The following LILRB1 variants were observed in gnomAD, a reference collection of about 807,000 sequenced individuals.
The protein encoded by LILRB1 is leukocyte immunoglobulin like receptor B1, also known as leukocyte immunoglobulin-like receptor subfamily B member 1.
Under a neutral mutation model 74.6 loss-of-function variants are expected in LILRB1, and 59 were observed. The observed-to-expected ratio is 0.79, with a 90% CI of 0.64 to 0.98. The LOEUF (loss-of-function observed/expected upper bound fraction) is 0.98. Ranked by LOEUF, LILRB1 falls within the 50% of genes least tolerant of loss-of-function variation. The probability of loss-of-function intolerance (pLI) is 0.00; values close to 1 mark genes in which losing one functional copy is unlikely to be tolerated. For synonymous variants in LILRB1, 328 were observed against 333.9 expected (o/e 0.98, Z 0.19); for missense variants, 804 against 822.6 (o/e 0.98, Z 0.28).
upstream of LILRB1, among the ~76,000 whole-genome samples, chr19:54,628,570 TAC>T (rs2146213885): frequency 6.6e-6 from 1 of 152,180 alleles, no homozygotes; most frequent in South Asian, 2.1e-4. Context: ...CCTGGTTGAA[TAC>T]AAAGCACACT....
At chr19:54,625,900 C>G (rs113796721), upstream of LILRB1, among the ~76,000 whole-genome samples, 13 of 151,804 alleles carry the variant, frequency 8.6e-5, no homozygotes, top group African/African-American at 3.1e-4. Context: ...CTCACTCACC[C>G]CTTCCCCGTG....
upstream of LILRB1, among the ~76,000 whole-genome samples, chr19:54,628,421 C>A (rs567553250): frequency 1.0e-3 from 154 of 152,350 alleles, no homozygotes; most frequent in Middle Eastern, 6.8e-3. Flanking sequence ...GTCCCCAACA[C>A]TGCCCCCACA....
intron 1 of LILRB1, among the ~76,000 whole-genome samples, chr19:54,617,751 A>ACTTTAGGAGATTTAGGGTTATTTAGC (rs2063347654): frequency 1.3e-5 from 2 of 152,102 alleles, no homozygotes; most frequent in Non-Finnish European, 2.9e-5. Flanking sequence ...TTCCTGTAAC[A>ACTTTAGGAGATTTAGGGTTATTTAGC]TGGAAATTTA....
intron 1 of LILRB1, among the ~76,000 whole-genome samples, chr19:54,622,895 C>T (rs549876612): frequency 6.6e-6 from 1 of 152,100 alleles, no homozygotes; most frequent in South Asian, 2.1e-4. Context: ...TGGACTTTCT[C>T]GAACGCTTTA....
At chr19:54,621,074 A>T (rs1217404316) in intron 1 of LILRB1, among the ~76,000 whole-genome samples, 1 of 151,398 alleles carries the variant, frequency 6.6e-6, no homozygotes, top group Non-Finnish European at 1.5e-5. Context: ...GGGTTTCACC[A>T]TGTTGCCCAG....
In LILRB1 at chr19:54,633,588, G is replaced by A. The variant is rs369527474; in HGVS notation, c.1262-50G>A. On this transcript the variant is annotated intron_variant, in intron 7 of 14. Transcript: ENST00000324602. Reference sequence around the variant, plus strand: ...GTAGAGAAATTTGGTTTGAGGTGGAGACTTCAGGAAAGCCCCAGCTCCTCA... The same window carrying A: ...GTAGAGAAATTTGGTTTGAGGTGGAAACTTCAGGAAAGCCCCAGCTCCTCA... 2,828 of 1,566,914 alleles carry A rather than the reference G, an allele frequency of 1.8e-3. 44 individuals carry two copies. In the South Asian group the frequency reaches 0.027, roughly 15 times the overall value.
At chr19:54,634,367 C>A (rs978421578) in intron 9 of LILRB1, 2 of 1,538,742 alleles carry the variant, frequency 1.3e-6, no homozygotes, top group Non-Finnish European at 1.8e-6. Flanking sequence ...CCTGCAGCTC[C>A]GGGGCTCGGC....
upstream of LILRB1, among the ~76,000 whole-genome samples, chr19:54,625,624 C>T (rs1047697214): frequency 2.6e-4 from 40 of 152,026 alleles, 1 homozygote; most frequent in Admixed American, 1.3e-4. Flanking sequence ...ACCCCTTCCC[C>T]GTGTTAGGGA....
In LILRB1 at chr19:54,631,124, G is replaced by C; in HGVS notation, c.34+17G>C. 6.2e-7 allele frequency: 1 copy of C among 1,614,024 alleles called. No homozygotes were observed. On this transcript the variant is annotated intron_variant, in intron 2 of 14. Transcript: ENST00000324602. ...TCTGTCTCGGTGAGATTTGAAGAAG[G>C]AGGGGAGCTTCTAACCTAAGAGGGA...
In LILRB1 at chr19:54,632,100, G is replaced by T. The variant is rs112916853; in HGVS notation, c.524G>T (p.Arg175Leu). The T allele has an allele frequency of 6.2e-7, 1 of 1,614,250 alleles. No homozygotes were observed. Among genetic ancestry groups the T allele is most frequent in the South Asian group, 1.1e-5 (1 of 91,090 alleles). ...TGCCTGAACTCCCAGCCCCATGCCC[G>T]TGGGTCGTCCCGCGCCATCTTCTCC... Reference protein sequence around the residue: ...PQCLNSQPHARGSSRAIFSVG... With the variant: ...PQCLNSQPHALGSSRAIFSVG... Residue 175 changes from arginine (R) to leucine (L), a missense_variant, in exon 5 of 15, where the codon CGT (arginine) becomes CTT (leucine). Physicochemically the swap from Arg to Leu is moderately radical, Grantham distance 102 (BLOSUM62 -2). Coordinates refer to ENST00000324602, the MANE Select transcript of LILRB1 (RefSeq NM_001081637.3).
intron 1 of LILRB1, among the ~76,000 whole-genome samples, chr19:54,619,966 T>TTC: frequency 6.6e-6 from 1 of 151,462 alleles, no homozygotes; most frequent in East Asian, 1.9e-4. Flanking sequence ...TTTTTTTTTT[T>TTC]CACTTGAAAT....
chr19:54,625,186 G>T (rs2781759), intron 1 of LILRB1, among the ~76,000 whole-genome samples: 21 of 136,836 alleles, frequency 1.5e-4, no homozygotes, highest in African/African-American at 5.5e-4. Context: ...CCAGGGCCAC[G>T]GTGTTCGGGT....
intron 1 of LILRB1, among the ~76,000 whole-genome samples, chr19:54,619,544 CA>C (rs1232641361): frequency 6.6e-6 from 1 of 151,972 alleles, no homozygotes; most frequent in Non-Finnish European, 1.5e-5. Flanking sequence ...GAAATTCTTC[CA>C]ATGAATATAT....
At chr19:54,634,446 T>G (rs1294581247) in intron 9 of LILRB1, 195 bp from the exon 10 acceptor site, 1 of 1,521,778 alleles carries the variant, frequency 6.6e-7, no homozygotes, top group Admixed American at 2.0e-5. Flanking sequence ...GCTTCCTGGC[T>G]GGGGGCCCCG....
rs1186782051 is a variant in LILRB1 at position 54,631,505 on chromosome 19, C to CA, written c.76_77insA (p.Leu26HisfsTer9). 1 of 1,607,158 alleles carries CA rather than the reference C, an allele frequency of 6.2e-7. No homozygotes were observed. Among genetic ancestry groups the CA allele is most frequent in the South Asian group, 1.1e-5 (1 of 90,730 alleles). ...GACTCCTGATTTCCTTCCAGGGCAC[C>CA]TCCCCAAGCCCACCCTCTGGGCTGA... On this transcript the variant is annotated frameshift_variant, in exon 4 of 15. Coordinates refer to ENST00000324602, the MANE Select transcript of LILRB1 (RefSeq NM_001081637.3). LOFTEE classifies it high-confidence loss of function.
intron 1 of LILRB1, among the ~76,000 whole-genome samples, chr19:54,619,920 C>G (rs1390659742): frequency 6.7e-6 from 1 of 148,746 alleles, no homozygotes; most frequent in Non-Finnish European, 1.5e-5. Flanking sequence ...TTAAAACTCT[C>G]TCCAGTAATT....
chr19:54,634,643 C>G lies in LILRB1; in HGVS notation c.1366C>G (p.Leu456Val). 1 of 1,612,814 alleles carries G rather than the reference C, an allele frequency of 6.2e-7. No individual in the cohort carries two copies. Among genetic ancestry groups the G allele is most frequent in the Non-Finnish European group, 8.5e-7 (1 of 1,179,334 alleles). Residue 456 changes from leucine to valine, a missense_variant and splice_region_variant, in exon 10 of 15, where the codon CTG becomes GTG. Coordinates refer to ENST00000324602, the MANE Select transcript of LILRB1 (RefSeq NM_001081637.3). Reference sequence around the variant, plus strand: ...TCCCTGACATCATCGTGCTCAAGGTCTGGGAAGGCACCTGGGGGTTGTGAT... The same window carrying G: ...TCCCTGACATCATCGTGCTCAAGGTGTGGGAAGGCACCTGGGGGTTGTGAT... The part of the protein sequence containing the change: ...TPTGSDPQSG[L>V]GRHLGVVIGI...
Position 54,634,631 on chromosome 19 carries a change from C to T in LILRB1, c.1364-10C>T, listed in dbSNP as rs557839288. 1.3e-5 allele frequency: 21 copies of T among 1,610,036 alleles called. No homozygotes were observed. The highest frequency in any genetic ancestry group is 1.7e-4 in the Middle Eastern group (1 of 6,042). Reference sequence around the variant, plus strand: ...ACATCACCCCCATCCCTGACATCATCGTGCTCAAGGTCTGGGAAGGCACCT... The same window carrying T: ...ACATCACCCCCATCCCTGACATCATTGTGCTCAAGGTCTGGGAAGGCACCT... On this transcript the variant is annotated splice_polypyrimidine_tract_variant and intron_variant, in intron 9 of 14. Coordinates refer to ENST00000324602, the MANE Select transcript of LILRB1 (RefSeq NM_001081637.3).
chr19:54,631,562 G>C lies in LILRB1; in HGVS notation c.133G>C (p.Val45Leu), dbSNP rs763587287. ...PGSVITQGSP[V>L]TLRCQGGQET... ...CTCTGTGATCACCCAGGGGAGTCCT[G>C]TGACCCTCAGGTGTCAGGGGGGCCA... is the stretch of plus-strand genomic sequence containing the variant. Residue 45 changes from valine to leucine, a missense_variant, in exon 4 of 15, where the codon GTG (valine) becomes CTG (leucine). Physicochemically the swap from Val to Leu is conservative, Grantham distance 32. Coordinates refer to ENST00000324602, the MANE Select transcript of LILRB1 (RefSeq NM_001081637.3). The C allele has an allele frequency of 2.5e-6, 4 of 1,614,214 alleles. No homozygotes were observed. The highest frequency in any genetic ancestry group is 3.4e-6 in the Non-Finnish European group (4 of 1,180,022).
Sources: allele counts gnomAD v4.1 joint callset (sites outside exome capture counted in the v4.1 genomes callset), GRCh38; gene constraint gnomAD v4.1.1; transcripts MANE v1.5; gene names NCBI Gene and HGNC (gene_info 2026-07-23, HGNC 2026-07-21).